Variants in BECN1 observed in about 807,000 individuals in gnomAD.
The protein encoded by BECN1 is beclin-1.
In BECN1, 15 loss-of-function variants were observed where a neutral mutation model predicts 60.1. The observed-to-expected ratio is 0.25, with a 90% confidence interval of 0.17 to 0.38. The LOEUF (loss-of-function observed/expected upper bound fraction) is 0.38. Among genes scored for constraint, BECN1 ranks in the 10% least tolerant of loss-of-function variants. BECN1 has a pLI of 1.00. For missense variants in BECN1, 424 were observed against 548.2 expected, an observed-to-expected ratio of 0.77 and a Z score of 2.26; for synonymous variants, 179 against 201.8, an observed-to-expected ratio of 0.89 and a Z score of 0.96.
chr17:42,810,554 A>G lies in BECN1; in HGVS notation c.*206T>C. 4.7e-6 allele frequency: 2 copies of G among 426,558 alleles called. No individual in the cohort carries two copies. The highest frequency in any genetic ancestry group is 8.0e-6 in the Non-Finnish European group (2 of 251,414). 26.4% of individuals were successfully genotyped at this position (426,558 alleles called of 1,614,324 possible). ...ATGGGGTTAAGAATCAAAACTGACC[A>G]GGGCTGGCAACTATAGATGGCATGT... On this transcript the variant is annotated 3_prime_UTR_variant, in exon 12 of 12. Coordinates refer to ENST00000590099, the MANE Select transcript of BECN1 (RefSeq NM_001313998.2).
rs756542816 is a variant in BECN1 at position 42,815,961 on chromosome 17, C to T, written c.777G>A (p.Thr259=). The part of the protein sequence containing the change: ...SVENQMRYAQ[T]QLDKLKKTNV... ...TGGTTTTCTTCAGCTTATCCAGCTG[C>T]GTCTGGGCATAACGCATCTGGTTTT... The change falls in exon 8 of 12, where the codon ACG becomes ACA. Residue 259 remains threonine, a synonymous_variant. Transcript: ENST00000590099. The T allele has an allele frequency of 2.4e-5, 38 of 1,614,028 alleles. No homozygotes were observed. In the African/African-American group the frequency reaches 3.1e-4, roughly 13 times the overall value.
intron 2 of BECN1, 117 bp downstream of exon 2, chr17:42,823,631 T>C: frequency 7.2e-7 from 1 of 1,386,630 alleles, no homozygotes; most frequent in Non-Finnish European, 9.7e-7. Flanking sequence ...TGAAGTGACT[T>C]TCCTAGGTTC....
intron 4 of BECN1, 146 bp downstream of exon 4, chr17:42,819,402 G>T: frequency 1.2e-6 from 1 of 804,574 alleles, no homozygotes; most frequent in Non-Finnish European, 2.0e-6. Context: ...GACGGGCCAG[G>T]TATAAGGGAA....
At chr17:42,816,182 T>A in intron 7 of BECN1, 128 bp from the exon 8 acceptor site, 1 of 1,019,902 alleles carries the variant, frequency 9.8e-7, no homozygotes, top group Non-Finnish European at 1.4e-6. Flanking sequence ...ATATTTGGCA[T>A]AGATCCCATT....
Position 42,824,239 on chromosome 17 carries a change from G to A in BECN1, c.-87C>T. The stretch of plus-strand genomic sequence containing the variant: ...GGTCGGCCCCGGAGCGAGGCCTCCA[G>A]AACTACCATCGCTCTGTCTTCAGCG... On this transcript the variant is annotated 5_prime_UTR_variant, in exon 1 of 12. Coordinates refer to ENST00000590099, the MANE Select transcript of BECN1 (RefSeq NM_001313998.2). 2.5e-6 allele frequency: 1 copy of A among 404,256 alleles called. No homozygotes were observed. The highest frequency in any genetic ancestry group is 4.4e-6 in the Non-Finnish European group (1 of 228,150). 25.0% of individuals were successfully genotyped at this position (404,256 alleles called of 1,614,324 possible).
At chr17:42,816,084 C>A in intron 7 of BECN1, 30 bp from the exon 8 acceptor site, 2 of 1,542,516 alleles carry the variant, frequency 1.3e-6, no homozygotes, top group Non-Finnish European at 8.7e-7. Context: ...CCATTGAAGG[C>A]TGTTAGCTTG....
Position 42,820,802 on chromosome 17 carries a change from G to T in BECN1, c.170C>A (p.Thr57Asn). 1 of 1,597,550 alleles carries T rather than the reference G, an allele frequency of 6.3e-7. No individual in the cohort carries two copies. Among genetic ancestry groups the T allele is most frequent in the African/African-American group, 1.3e-5 (1 of 74,892 alleles). The change falls in exon 3 of 12, where the codon ACC becomes AAC. Residue 57 changes from threonine (T) to asparagine (N), a missense_variant. Coordinates refer to ENST00000590099, the MANE Select transcript of BECN1 (RefSeq NM_001313998.2). Reference protein sequence around the residue: ...LTTAQAKPGETQEEETNSGEE... With the variant: ...LTTAQAKPGENQEEETNSGEE... ...TCCTGAGTTAGTCTCTTCCTCCTGG[G>T]TCTCTCCTGGTTTCGCCTGGGCTGT...
At chr17:42,814,265 G>A in intron 9 of BECN1, 1 of 572,124 alleles carries the variant, frequency 1.7e-6, no homozygotes, top group Admixed American at 3.5e-5. Flanking sequence ...AACAAAAACT[G>A]AAAATATCCT....
chr17:42,814,904 C>T (rs559699755), intron 8 of BECN1: 381 of 548,736 alleles, frequency 6.9e-4, no homozygotes, highest in Middle Eastern at 9.9e-4. Flanking sequence ...TCAGCTCCTT[C>T]CGTGCAAAAC....
At chr17:42,813,011 T>G (rs1349988096) in intron 10 of BECN1, 1 of 146,932 alleles carries the variant, frequency 6.8e-6, no homozygotes, top group Non-Finnish European at 1.5e-5. Context: ...ATTTTTTTTT[T>G]TTTTTTGTAT....
chr17:42,811,455 T>A, intron 11 of BECN1, 200 bp downstream of exon 11: 1 of 531,384 alleles, frequency 1.9e-6, no homozygotes, highest in Non-Finnish European at 3.1e-6. Context: ...AAGGCAACAT[T>A]CTTCTACTCC....
chr17:42,816,731 G>A (rs1002023231), intron 7 of BECN1, among the ~76,000 whole-genome samples: 3 of 152,010 alleles, frequency 2.0e-5, no homozygotes, highest in African/African-American at 7.3e-5. Context: ...AGCACTTTGG[G>A]AGGCTGAGGT....
In BECN1 at chr17:42,818,777, G is replaced by A. The variant is rs748495255; in HGVS notation, c.351+10C>T. ...GCCTACTGCTTGCCACCGGAATGGG[G>A]CCGACTTGCCTTCAGTCTTCGGCTG... is the stretch of plus-strand genomic sequence containing the variant. On this transcript the variant is annotated intron_variant, in intron 5 of 11. Transcript: ENST00000590099. 10 of 1,613,980 alleles carry A rather than the reference G, an allele frequency of 6.2e-6. No individual in the cohort carries two copies. In the East Asian group the frequency reaches 2.2e-4, roughly 36 times the overall value.
rs1349535162 is a variant in BECN1 at position 42,818,847 on chromosome 17, G to A, written c.291C>T (p.Phe97=). 6.2e-7 allele frequency: 1 copy of A among 1,614,162 alleles called. No individual in the cohort carries two copies. Among genetic ancestry groups the A allele is most frequent in the African/African-American group, 1.3e-5 (1 of 75,034 alleles). The change falls in exon 5 of 12, where the codon TTC becomes TTT. Residue 97 remains phenylalanine, a synonymous_variant. Coordinates refer to ENST00000590099, the MANE Select transcript of BECN1 (RefSeq NM_001313998.2). The part of the protein sequence containing the change: ...RMMSTESANS[F]TLIGEASDGG... ...CATCAGATGCCTCCCCAATCAGAGT[G>A]AAGCTGTTGGCACTTTCTGTGGACA...
intron 7 of BECN1, among the ~76,000 whole-genome samples, chr17:42,817,707 T>A (rs2055174957): frequency 6.6e-6 from 1 of 151,806 alleles, no homozygotes; most frequent in South Asian, 2.1e-4. Flanking sequence ...AGCAGCCTAA[T>A]TTTTTTTTAA....
chr17:42,819,676 C>G, intron 3 of BECN1, 67 bp from the exon 4 acceptor site: 1 of 1,500,618 alleles, frequency 6.7e-7, no homozygotes, highest in Non-Finnish European at 9.2e-7. Context: ...TCCCAAACAG[C>G]CTCAGAACTA....
chr17:42,824,006 G>A lies in BECN1; in HGVS notation c.-2-127C>T, dbSNP rs559792660. The A allele has an allele frequency of 4.0e-6, 5 of 1,246,632 alleles. No individual in the cohort carries two copies. In the South Asian group the frequency reaches 4.5e-5, roughly 11 times the overall value. The allele number at this position is 1,246,632 out of a possible 1,614,324, so 77.2% of individuals were successfully genotyped here. Reference sequence around the variant, plus strand: ...TCCCAACCTGCGCCGTTCCCTCTAGGAATGGTATGATACGGGGAGGACCTG... The same window carrying A: ...TCCCAACCTGCGCCGTTCCCTCTAGAAATGGTATGATACGGGGAGGACCTG... On this transcript the variant is annotated intron_variant, in intron 1 of 11. Transcript: ENST00000590099.
Position 42,814,580 on chromosome 17 carries a change from G to T in BECN1, c.924C>A (p.Gly308=). 1 of 1,614,184 alleles carries T rather than the reference G, an allele frequency of 6.2e-7. No individual in the cohort carries two copies. The highest frequency in any genetic ancestry group is 8.5e-7 in the Non-Finnish European group (1 of 1,180,032). Residue 308 remains glycine (G), a synonymous_variant, in exon 9 of 12, where the codon GGC becomes GGA. Transcript: ENST00000590099. ...VEWNEINAAW[G]QTVLLLHALA... The stretch of plus-strand genomic sequence containing the variant: ...GAGCATGGAGCAGCAACACAGTCTG[G>T]CCCCAAGCAGCATTAATCTCATTCC...
rs1182860725 is a variant in BECN1, at chr17:42,813,964, A to C, written c.1025T>G (p.Leu342Arg). Residue 342 changes from leucine to arginine, a missense_variant, in exon 10 of 12, where the codon CTG becomes CGG. By Grantham distance (102) the Leu-to-Arg change is moderately radical. Transcript: ENST00000590099. Reference protein sequence around the residue: ...PYGNHSYLESLTDKSKELPLY... With the variant: ...PYGNHSYLESRTDKSKELPLY... ...ACAGAGTACCTTAGATTTGTCTGTC[A>C]GAGACTCCAGATATGAATGGTTTCC... 2 of 1,603,492 alleles carry C rather than the reference A, an allele frequency of 1.2e-6. No individual in the cohort carries two copies. The highest frequency in any genetic ancestry group is 1.7e-6 in the Non-Finnish European group (2 of 1,172,544).
Sources: gnomAD v4.1 joint callset for allele counts (sites outside exome capture counted in the v4.1 genomes callset) on GRCh38, gnomAD v4.1.1 for gene constraint, MANE v1.5 for transcripts, NCBI Gene and HGNC (gene_info 2026-07-23, HGNC 2026-07-21) for gene names.